Variants in TMEM117 observed in about 807,000 individuals in gnomAD.
The protein encoded by TMEM117 is transmembrane protein 117.
A neutral mutation model predicts 52.4 loss-of-function variants in TMEM117; 27 were observed. The observed-to-expected ratio is 0.51, with a 90% confidence interval of 0.38 to 0.71. The LOEUF (loss-of-function observed/expected upper bound fraction) is 0.71, where lower values mean the gene tolerates loss of function less well. TMEM117 is among the 30% of genes least tolerant of loss of function. The probability of loss-of-function intolerance (pLI) is 0.00; values close to 1 mark genes in which losing one functional copy is unlikely to be tolerated. For missense variants in TMEM117, 556 were observed against 630.5 expected (o/e 0.88, Z 1.26); for synonymous variants, 215 against 206.3 (o/e 1.04, Z -0.36).
intron 3 of TMEM117, among the ~76,000 whole-genome samples, chr12:44,088,106 G>A (rs1947602783): frequency 6.6e-6 from 1 of 152,120 alleles, no homozygotes; most frequent in African/African-American, 2.4e-5. Context: ...GCTTTAGATA[G>A]TTAAGAGTGA....
At chr12:44,236,673 A>G (rs1288702861) in intron 5 of TMEM117, among the ~76,000 whole-genome samples, 1 of 152,146 alleles carries the variant, frequency 6.6e-6, no homozygotes, top group Non-Finnish European at 1.5e-5. Flanking sequence ...CACTGGCCCT[A>G]TAATAGGCGG....
intron 6 of TMEM117, among the ~76,000 whole-genome samples, chr12:44,365,065 G>A (rs1951771668): frequency 6.6e-6 from 1 of 152,074 alleles, no homozygotes; most frequent in African/African-American, 2.4e-5. Flanking sequence ...AAGTTAGGGA[G>A]ATAGTATTCA....
intron 3 of TMEM117, among the ~76,000 whole-genome samples, chr12:43,984,631 A>G (rs536389768): frequency 6.6e-6 from 1 of 152,316 alleles, no homozygotes; most frequent in South Asian, 2.1e-4. Flanking sequence ...AATTTCCCCT[A>G]TTGATAGACC....
At chr12:43,942,867 A>G (rs1190685802) in intron 2 of TMEM117, among the ~76,000 whole-genome samples, 1 of 152,206 alleles carries the variant, frequency 6.6e-6, no homozygotes, top group Non-Finnish European at 1.5e-5. Context: ...TCATTAAAAA[A>G]GGGAATATTT....
chr12:43,870,243 C>T (rs529358648), intron 2 of TMEM117, among the ~76,000 whole-genome samples: 1 of 151,010 alleles, frequency 6.6e-6, no homozygotes, highest in Admixed American at 6.6e-5. Context: ...AATAGTGCTG[C>T]AGTGTGCATG....
At chr12:43,827,723 A>T in the TMEM117 span, among the ~76,000 whole-genome samples, 3 of 152,206 alleles carry the variant, frequency 2.0e-5, no homozygotes, top group African/African-American at 7.2e-5. Context: ...TAGTGGGCTG[A>T]ATAGTGTCCT....
intron 7 of TMEM117, among the ~76,000 whole-genome samples, chr12:44,378,645 A>C (rs559314692): frequency 1.3e-5 from 2 of 152,190 alleles, no homozygotes; most frequent in Non-Finnish European, 2.9e-5. Flanking sequence ...CAGAGACTAC[A>C]TATTAATCTG....
intron 5 of TMEM117, among the ~76,000 whole-genome samples, chr12:44,298,724 T>C (rs1265958469): frequency 6.6e-6 from 1 of 150,990 alleles, no homozygotes; most frequent in Non-Finnish European, 1.5e-5. Context: ...CAGGGAGCAG[T>C]TGCTCTGACA....
At chr12:44,125,425 T>G (rs1162415569) in intron 3 of TMEM117, among the ~76,000 whole-genome samples, 1 of 152,186 alleles carries the variant, frequency 6.6e-6, no homozygotes, top group African/African-American at 2.4e-5. Context: ...AATTTCCTCC[T>G]GGTTCAGTCT....
At chr12:44,303,592 G>A (rs944848700) in intron 6 of TMEM117, among the ~76,000 whole-genome samples, 8 of 152,110 alleles carry the variant, frequency 5.3e-5, no homozygotes, top group Admixed American at 1.3e-4. Flanking sequence ...AAAGTGTAAC[G>A]TGACTCACAC....
chr12:44,326,164 G>GTTTTGT (rs979451368), intron 6 of TMEM117, among the ~76,000 whole-genome samples: 21 of 151,858 alleles, frequency 1.4e-4, no homozygotes, highest in Middle Eastern at 3.2e-3. Context: ...TGAGACCCTG[G>GTTTTGT]TTTTGTTTTT....
rs376347780 is a variant in TMEM117 at position 44,388,698 on chromosome 12, A to G, written c.*26A>G. On this transcript the variant is annotated 3_prime_UTR_variant, in exon 8 of 8. Transcript: ENST00000266534. Reference sequence around the variant, plus strand: ...ACTCGGAGATAGACTTGGAGATAACACAAAAAGCAACCTTGAGTGTAACTT... The same window carrying G: ...ACTCGGAGATAGACTTGGAGATAACGCAAAAAGCAACCTTGAGTGTAACTT... 1.0e-4 allele frequency: 163 copies of G among 1,598,762 alleles called. No individual in the cohort carries two copies. The African/African-American group carries it at 2.0e-3, about 20-fold the overall frequency.
intron 2 of TMEM117, among the ~76,000 whole-genome samples, chr12:43,899,636 T>C (rs79071882): frequency 3.7e-5 from 2 of 54,680 alleles, no homozygotes; most frequent in East Asian, 1.6e-3. Context: ...CCTAAATTTT[T>C]ATTTTTTTCA....
At chr12:44,282,339 G>A (rs903697937) in intron 5 of TMEM117, among the ~76,000 whole-genome samples, 9 of 152,164 alleles carry the variant, frequency 5.9e-5, no homozygotes, top group African/African-American at 2.2e-4. Context: ...GCAGAGGTTG[G>A]AACAGTTTGG....
intron 3 of TMEM117, among the ~76,000 whole-genome samples, chr12:44,007,415 T>C (rs1946216357): frequency 6.6e-6 from 1 of 152,162 alleles, no homozygotes; most frequent in South Asian, 2.1e-4. Context: ...TTTTTTTTCT[T>C]GCCTAAGAAA....
At chr12:44,323,381 TG>T (rs1413481001) in intron 6 of TMEM117, among the ~76,000 whole-genome samples, 1 of 152,232 alleles carries the variant, frequency 6.6e-6, no homozygotes, top group African/African-American at 2.4e-5. Flanking sequence ...TTAAATCTTT[TG>T]CTAGCCAATA....
intron 5 of TMEM117, among the ~76,000 whole-genome samples, chr12:44,239,292 G>A (rs1950034289): frequency 6.6e-6 from 1 of 152,030 alleles, no homozygotes; most frequent in East Asian, 1.9e-4. Context: ...CAACTTATTA[G>A]TTCTCCCAGC....
chr12:44,049,089 A>T (rs1946925585), intron 3 of TMEM117, among the ~76,000 whole-genome samples: 1 of 152,086 alleles, frequency 6.6e-6, no homozygotes, highest in Non-Finnish European at 1.5e-5. Context: ...AATATAAATC[A>T]TTCTACTGCA....
At position 43,843,485 on chromosome 12, in the gene TMEM117, G is replaced by A. The variant is rs114372122; in HGVS notation, c.-28-1139G>A. ...CAAAGAGGGGAGAAGGAGGAGCTAA[G>A]CAAGACTTTGGAGGTGGGCCTGAAC... On this transcript the variant is annotated intron_variant, in intron 1 of 7. Coordinates refer to ENST00000266534, the MANE Select transcript of TMEM117 (RefSeq NM_032256.3). 1.9e-3 allele frequency among the ~76,000 whole-genome samples: 288 copies of A among 152,314 alleles called. 3 individuals carry two copies. Among genetic ancestry groups the A allele is most frequent in the African/African-American group, 6.6e-3 (273 of 41,570 alleles).
Sources: gnomAD v4.1 joint callset for allele counts (sites outside exome capture counted in the v4.1 genomes callset) on GRCh38, gnomAD v4.1.1 for gene constraint, MANE v1.5 for transcripts, NCBI Gene and HGNC (gene_info 2026-07-23, HGNC 2026-07-21) for gene names.